APOOL: variants seen among roughly 807,000 people sequenced by gnomAD.
The protein encoded by APOOL is MICOS complex subunit MIC27.
Under a neutral mutation model 23.1 loss-of-function variants are expected in APOOL, and 12 were observed. That is an observed-to-expected ratio of 0.52 (90% confidence interval 0.33 to 0.84). The LOEUF (loss-of-function observed/expected upper bound fraction) is 0.84. Among genes scored for constraint, APOOL ranks in the 40% least tolerant of loss-of-function variants. APOOL has a pLI of 0.02. For synonymous variants in APOOL, 77 were observed against 69.9 expected (o/e 1.10, Z -0.51); for missense variants, 212 against 199.6 (o/e 1.06, Z -0.37).
chrX:85,083,048 G>A (rs757879990), intron 8 of APOOL, among the ~76,000 whole-genome samples: 8 of 111,065 alleles, frequency 7.2e-5, no homozygotes, highest in Non-Finnish European at 1.1e-4. Context: ...AAATTAGAAC[G>A]CAGCCCAGAC....
At position 85,078,746 on chromosome X, in the gene APOOL, T is replaced by A. The variant is rs143699029; in HGVS notation, c.718+4355T>A. On this transcript the variant is annotated intron_variant, in intron 8 of 8. Coordinates refer to ENST00000373173, the MANE Select transcript of APOOL (RefSeq NM_198450.6). ...GATCATGGACTGTTCTTCCATTTAT[T>A]TGTGTCCTCTTTTATTTTGTTGAGC... 3.7e-3 allele frequency among the ~76,000 whole-genome samples: 411 copies of A among 111,532 alleles called. 2 individuals carry two copies. The highest frequency in any genetic ancestry group is 0.013 in the African/African-American group (394 of 30,665).
intron 1 of APOOL, among the ~76,000 whole-genome samples, chrX:85,033,718 CAT>C (rs1922117918): frequency 9.0e-6 from 1 of 111,036 alleles, no homozygotes; most frequent in Non-Finnish European, 1.9e-5. Context: ...AGAACAAACA[CAT>C]TGTCATCAGA....
intron 1 of APOOL, among the ~76,000 whole-genome samples, chrX:85,037,923 G>C (rs930596126): frequency 9.0e-6 from 1 of 111,210 alleles, no homozygotes; most frequent in Non-Finnish European, 1.9e-5. Context: ...TCTAGGCAAA[G>C]AATTCATGAC....
intron 1 of APOOL, among the ~76,000 whole-genome samples, chrX:85,010,807 T>C (rs1289937614): frequency 1.8e-5 from 2 of 112,229 alleles, no homozygotes; most frequent in Non-Finnish European, 3.8e-5. Flanking sequence ...GCTGTAAACA[T>C]GCATGTGCAA....
intron 1 of APOOL, among the ~76,000 whole-genome samples, chrX:85,014,626 T>G (rs1466876533): frequency 1.8e-5 from 2 of 110,234 alleles, no homozygotes; most frequent in Non-Finnish European, 3.8e-5. Flanking sequence ...TTATTTTATT[T>G]AAGGAGGTTA....
At chrX:85,036,519 A>G (rs1394346236) in intron 1 of APOOL, among the ~76,000 whole-genome samples, 2 of 110,943 alleles carry the variant, frequency 1.8e-5, no homozygotes, top group South Asian at 7.6e-4. Flanking sequence ...TAGGCATGAA[A>G]AGAGTGCACA....
At chrX:85,018,080 T>C (rs1921538558) in intron 1 of APOOL, among the ~76,000 whole-genome samples, 1 of 112,691 alleles carries the variant, frequency 8.9e-6, no homozygotes, top group African/African-American at 3.2e-5. Flanking sequence ...AATGAGTCTT[T>C]TAATGTGCTG....
chrX:85,036,282 T>C (rs1687101004), intron 1 of APOOL, among the ~76,000 whole-genome samples: 1 of 111,940 alleles, frequency 8.9e-6, no homozygotes, highest in Non-Finnish European at 1.9e-5. Flanking sequence ...TCTACCTGGA[T>C]GTTGATAATT....
intron 8 of APOOL, among the ~76,000 whole-genome samples, chrX:85,087,164 C>A (rs1361043836): frequency 1.8e-5 from 2 of 110,622 alleles, no homozygotes; most frequent in African/African-American, 6.6e-5. Flanking sequence ...TGCCGCCACC[C>A]CTACATACAC....
At chrX:85,084,522 G>T (rs1442432943) in intron 8 of APOOL, among the ~76,000 whole-genome samples, 1 of 104,124 alleles carries the variant, frequency 9.6e-6, no homozygotes, top group Non-Finnish European at 2.0e-5. Flanking sequence ...TTACTTGAGG[G>T]TTTTTTTTTT....
At chrX:85,039,192 T>C (rs1922325731) in intron 1 of APOOL, among the ~76,000 whole-genome samples, 1 of 111,421 alleles carries the variant, frequency 9.0e-6, no homozygotes, top group East Asian at 2.8e-4. Context: ...TATTGTTTAA[T>C]TTCCATGTAA....
chrX:85,004,805 C>T (rs999497369), intron 1 of APOOL, among the ~76,000 whole-genome samples: 14 of 111,125 alleles, frequency 1.3e-4, no homozygotes, highest in African/African-American at 3.3e-4. Flanking sequence ...TTTTGCCTCC[C>T]CCCGCATTTA....
rs373769069 is a variant in APOOL, at chrX:85,036,528, C to T, written c.16-9918C>T. On this transcript the variant is annotated intron_variant, in intron 1 of 8. Transcript: ENST00000373173. ...ATTGACTAGGCATGAAAAGAGTGCA[C>T]ATCCTTGTCTTATTATAGTTGTCAA... is the stretch of plus-strand genomic sequence containing the variant. Among the ~76,000 whole-genome samples the T allele has an allele frequency of 1.7e-4, 19 of 111,156 alleles. No homozygotes were observed. The East Asian group carries it at 5.4e-3, about 31-fold the overall frequency.
At chrX:85,025,194 C>T (rs765342796) in intron 1 of APOOL, among the ~76,000 whole-genome samples, 1 of 110,549 alleles carries the variant, frequency 9.0e-6, no homozygotes, top group East Asian at 2.9e-4. Context: ...AGGGGAGGTT[C>T]CACACAGTTT....
chrX:85,023,849 C>T (rs887214993), intron 1 of APOOL, among the ~76,000 whole-genome samples: 2 of 111,757 alleles, frequency 1.8e-5, no homozygotes, highest in African/African-American at 3.3e-5. Flanking sequence ...CAAAACTTCC[C>T]GTTTATTTGC....
rs148649615 is a variant in APOOL, at chrX:85,025,634, A to G, written c.16-20812A>G. Among the ~76,000 whole-genome samples the G allele has an allele frequency of 6.3e-3, 703 of 112,424 alleles. 4 individuals carry two copies. Among genetic ancestry groups the G allele is most frequent in the African/African-American group, 0.021 (639 of 31,046 alleles). On this transcript the variant is annotated intron_variant, in intron 1 of 8. Coordinates refer to ENST00000373173, the MANE Select transcript of APOOL (RefSeq NM_198450.6). ...AAATCAGCTAAAATAAATGGGCTAC[A>G]TGCCCCATGTACATTCAACACCCAG...
chrX:85,043,908 G>A (rs1432000722), intron 1 of APOOL, among the ~76,000 whole-genome samples: 1 of 111,768 alleles, frequency 8.9e-6, no homozygotes, highest in African/African-American at 3.3e-5. Context: ...TGTACCAAGT[G>A]TAAGCCATTT....
chrX:85,040,597 C>G (rs1386949712), intron 1 of APOOL, among the ~76,000 whole-genome samples: 1 of 111,077 alleles, frequency 9.0e-6, no homozygotes, highest in Non-Finnish European at 1.9e-5. Flanking sequence ...CTTTTTTATT[C>G]TCTTTGTTTT....
chrX:85,017,445 G>T (rs1921516537), intron 1 of APOOL, among the ~76,000 whole-genome samples: 1 of 111,940 alleles, frequency 8.9e-6, no homozygotes, highest in African/African-American at 3.2e-5. Context: ...CACAAGCGCG[G>T]CTTTCAGGCC....
Sources: allele counts gnomAD v4.1 joint callset (sites outside exome capture counted in the v4.1 genomes callset), GRCh38; gene constraint gnomAD v4.1.1; transcripts MANE v1.5; gene names NCBI Gene and HGNC (gene_info 2026-07-23, HGNC 2026-07-21).